Variants in NRK observed in about 807,000 individuals in gnomAD.
NRK encodes the protein Nik related kinase.
NRK carries 67 observed loss-of-function variants against 125.2 expected under a neutral mutation model. The ratio of observed to expected loss-of-function variants is 0.54; its 90% CI spans 0.44 to 0.66. The LOEUF is 0.66. NRK is among the 30% of genes least tolerant of loss of function. The pLI is 0.00. For missense variants in NRK, 1,224 were observed against 1,192.9 expected (o/e 1.03, Z -0.38); for synonymous variants, 458 against 429.0 (o/e 1.07, Z -0.84).
intron 2 of NRK, among the ~76,000 whole-genome samples, chrX:105,877,201 C>A (rs934245065): frequency 9.0e-6 from 1 of 111,187 alleles, no homozygotes; most frequent in South Asian, 3.7e-4. Flanking sequence ...CAGCCAAACC[C>A]AAGTTGAGGG....
At chrX:105,862,930 T>C (rs1031248221) in intron 2 of NRK, among the ~76,000 whole-genome samples, 1 of 112,017 alleles carries the variant, frequency 8.9e-6, no homozygotes, top group Non-Finnish European at 1.9e-5. Flanking sequence ...GAGTGGCTGG[T>C]TTGAGAATTA....
chrX:105,913,636 G>A (rs1182001044), intron 14 of NRK, among the ~76,000 whole-genome samples: 1 of 111,065 alleles, frequency 9.0e-6, no homozygotes. Flanking sequence ...AAATTGACAG[G>A]TTTACTTTAT....
intron 1 of NRK, among the ~76,000 whole-genome samples, chrX:105,829,797 T>G (rs2039161971): frequency 9.0e-6 from 1 of 111,631 alleles, no homozygotes; most frequent in African/African-American, 3.3e-5. Flanking sequence ...AAAAATTGTC[T>G]AATTTTCTTA....
At chrX:105,892,190 C>A (rs2040024561) in intron 5 of NRK, among the ~76,000 whole-genome samples, 1 of 111,902 alleles carries the variant, frequency 8.9e-6, no homozygotes, top group Non-Finnish European at 1.9e-5. Flanking sequence ...ATCAAATAAT[C>A]ACACACATAA....
intron 9 of NRK, among the ~76,000 whole-genome samples, chrX:105,903,945 G>T (rs1292993624): frequency 8.9e-6 from 1 of 112,018 alleles, no homozygotes; most frequent in East Asian, 2.8e-4. Context: ...AGCTAATTCT[G>T]CCTTCAGTTA....
rs2040984487 is a variant in NRK at position 105,956,815 on chromosome X, G to A, written c.*1215G>A. On this transcript the variant is annotated 3_prime_UTR_variant, in exon 29 of 29. Transcript: ENST00000243300. Reference sequence around the variant, plus strand: ...AGACGCCATAGACAGGTGATGTTTGGTCACCTATGGTAACTGCTACCTGAT... The same window carrying A: ...AGACGCCATAGACAGGTGATGTTTGATCACCTATGGTAACTGCTACCTGAT... The A allele has an allele frequency of 9.0e-6, 1 of 111,680 alleles. No individual in the cohort carries two copies. The highest frequency in any genetic ancestry group is 3.3e-5 in the African/African-American group (1 of 30,667). The allele number at this position is 111,680 out of a possible 1,213,427, so 9.2% of individuals were successfully genotyped here. A position where few individuals can be genotyped will look rare whatever the true frequency, so the allele number is the denominator to read the frequency against.
At chrX:105,829,792 T>C (rs747495115) in intron 1 of NRK, among the ~76,000 whole-genome samples, 2 of 111,526 alleles carry the variant, frequency 1.8e-5, no homozygotes, top group Admixed American at 9.5e-5. Flanking sequence ...TTTTAAAAAA[T>C]TGTCTAATTT....
At chrX:105,859,654 G>A (rs1018134384) in intron 2 of NRK, among the ~76,000 whole-genome samples, 5 of 112,114 alleles carry the variant, frequency 4.5e-5, no homozygotes, top group African/African-American at 1.6e-4. Flanking sequence ...TGGAAGCCAG[G>A]CTTTTAATAT....
intron 4 of NRK, among the ~76,000 whole-genome samples, chrX:105,884,819 G>T (rs1043860727): frequency 8.9e-6 from 1 of 111,863 alleles, no homozygotes; most frequent in Non-Finnish European, 1.9e-5. Context: ...TTGTTTGTTT[G>T]TTTTTGAGAC....
intron 11 of NRK, 106 bp downstream of exon 11, chrX:105,906,695 A>C (rs1161035875): frequency 4.6e-6 from 2 of 434,510 alleles, no homozygotes; most frequent in Non-Finnish European, 7.6e-6. Context: ...TTGAAAATAA[A>C]ACTTCTGAGG....
At chrX:105,923,961 G>GTGGAGAAAT (rs2040490115) in intron 18 of NRK, among the ~76,000 whole-genome samples, 1 of 91,376 alleles carries the variant, frequency 1.1e-5, no homozygotes, top group Non-Finnish European at 2.2e-5. Flanking sequence ...TGTTTAATTG[G>GTGGAGAAAT]TGGAGAAATT....
rs895185898 is a variant in NRK, at chrX:105,957,686, C to T, written c.*2086C>T. 8 of 111,180 alleles carry T rather than the reference C, an allele frequency of 7.2e-5. No individual in the cohort carries two copies. Among genetic ancestry groups the T allele is most frequent in the Non-Finnish European group, 1.1e-4 (6 of 53,062 alleles). 9.2% of individuals were successfully genotyped at this position (111,180 alleles called of 1,213,427 possible). A position where few individuals can be genotyped will look rare whatever the true frequency, so the allele number is the denominator to read the frequency against. On this transcript the variant is annotated 3_prime_UTR_variant, in exon 29 of 29. Coordinates refer to ENST00000243300, the MANE Select transcript of NRK (RefSeq NM_198465.4). The stretch of plus-strand genomic sequence containing the variant: ...GTAAGAGAGATTGTAAATGATAAAC[C>T]GAGCTTTAAAGGATAAAGTGTTAAT...
chrX:105,896,069 T>C (rs1456783800), intron 7 of NRK, among the ~76,000 whole-genome samples: 1 of 111,903 alleles, frequency 8.9e-6, no homozygotes, highest in Non-Finnish European at 1.9e-5. Flanking sequence ...ATCAAAAGAC[T>C]GGAAGTACCT....
chrX:105,922,062 G>A lies in NRK; in HGVS notation c.2610+1G>A, dbSNP rs763900322. 9.8e-7 allele frequency: 1 copy of A among 1,024,634 alleles called. No individual in the cohort carries two copies. The highest frequency in any genetic ancestry group is 1.4e-6 in the Non-Finnish European group (1 of 730,471). The allele number at this position is 1,024,634 out of a possible 1,213,427, so 84.4% of individuals were successfully genotyped here. A position where few individuals can be genotyped will look rare whatever the true frequency, so the allele number is the denominator to read the frequency against. On this transcript the variant is annotated splice_donor_variant, in intron 17 of 28. Transcript: ENST00000243300. LOFTEE classifies it high-confidence loss of function. Reference sequence around the variant, plus strand: ...TCAGAAGTTGCTGGTTGACATCCATGTAAGTTTCCATCTTAACACATTAAT... The same window carrying A: ...TCAGAAGTTGCTGGTTGACATCCATATAAGTTTCCATCTTAACACATTAAT...
At chrX:105,950,527 AGTGTGTGTGTGTGTGTGTGT>A (rs56383254) in intron 27 of NRK, among the ~76,000 whole-genome samples, 4,759 of 77,945 alleles carry the variant, frequency 0.061, 349 homozygotes, top group African/African-American at 0.21. Flanking sequence ...AAAAGGCAGC[AGTGTGTGTGTGTGTGTGTGT>A]GTGTGTGTGT....
intron 2 of NRK, among the ~76,000 whole-genome samples, chrX:105,875,031 A>G (rs1400710025): frequency 9.0e-6 from 1 of 111,609 alleles, no homozygotes; most frequent in Non-Finnish European, 1.9e-5. Context: ...TTAGGACTTT[A>G]TTTAAGTCCT....
intron 28 of NRK, among the ~76,000 whole-genome samples, chrX:105,954,330 A>C (rs1314497883): frequency 9.0e-6 from 1 of 110,955 alleles, no homozygotes; most frequent in Non-Finnish European, 1.9e-5. Context: ...CAAACTCTGT[A>C]AAGGTTTATG....
At chrX:105,847,279 C>T (rs1373136677) in intron 2 of NRK, among the ~76,000 whole-genome samples, 1 of 111,824 alleles carries the variant, frequency 8.9e-6, no homozygotes, top group Non-Finnish European at 1.9e-5. Flanking sequence ...AAGAGACTTT[C>T]TAATGAAAAC....
chrX:105,908,938 G>A lies in NRK; in HGVS notation c.1297G>A (p.Ala433Thr), dbSNP rs765564869. ...DSAPKPLKGQAQAPQRLQGAA... is the reference protein window; with the variant it reads ...DSAPKPLKGQTQAPQRLQGAA... ...TGCACCTAAGCCTCTAAAGGGGCAG[G>A]CTCAGGCACCTCAACGACTACAAGG... The change falls in exon 13 of 29, where the codon GCT becomes ACT. Residue 433 changes from alanine to threonine, a missense_variant. Coordinates refer to ENST00000243300, the MANE Select transcript of NRK (RefSeq NM_198465.4). 2 of 1,210,296 alleles carry A rather than the reference G, an allele frequency of 1.7e-6. No individual in the cohort carries two copies. Among genetic ancestry groups the A allele is most frequent in the East Asian group, 3.0e-5 (1 of 33,729 alleles).
Sources: gnomAD v4.1 joint callset for allele counts (sites outside exome capture counted in the v4.1 genomes callset) on GRCh38, gnomAD v4.1.1 for gene constraint, MANE v1.5 for transcripts, NCBI Gene and HGNC (gene_info 2026-07-23, HGNC 2026-07-21) for gene names.